Variants in ZWILCH observed in about 807,000 individuals in gnomAD.
The protein encoded by ZWILCH is zwilch kinetochore protein, also known as protein zwilch homolog.
Under a neutral mutation model 79.9 loss-of-function variants are expected in ZWILCH, and 74 were observed. That is an observed-to-expected ratio of 0.93 (90% CI 0.77 to 1.12). The LOEUF (loss-of-function observed/expected upper bound fraction) is 1.12. ZWILCH is among the 50% of genes most tolerant of loss of function. The pLI, the probability that ZWILCH is intolerant of heterozygous loss-of-function variation, is 0.00. For missense variants in ZWILCH, 694 were observed against 687.5 expected (o/e 1.01, Z -0.11); for synonymous variants, 241 against 228.2 (o/e 1.06, Z -0.51).
intron 16 of ZWILCH, among the ~76,000 whole-genome samples, 156 bp from the exon 17 acceptor site, chr15:66,539,942 C>G (rs1346452564): frequency 6.6e-6 from 1 of 151,978 alleles, no homozygotes; most frequent in Non-Finnish European, 1.5e-5. Flanking sequence ...TTTTCTTGCT[C>G]TCTTGACTAT....
Position 66,518,909 on chromosome 15 carries a change from C to A in ZWILCH, c.351C>A (p.His117Gln). Residue 117 changes from histidine to glutamine, a missense_variant, in exon 5 of 19, where the codon CAC becomes CAA. By Grantham distance (24) the His-to-Gln change is conservative. Coordinates refer to ENST00000307897, the MANE Select transcript of ZWILCH (RefSeq NM_017975.5). ...TAATTGGACTTTACACCATGGCTCA[C>A]AATCCTAATATGACCCATTTGAAGA... ...RQLIGLYTMAHNPNMTHLKIN... is the reference protein window; with the variant it reads ...RQLIGLYTMAQNPNMTHLKIN... 6.2e-7 allele frequency: 1 copy of A among 1,614,216 alleles called. No individual in the cohort carries two copies. Among genetic ancestry groups the A allele is most frequent in the Non-Finnish European group, 8.5e-7 (1 of 1,180,020 alleles).
chr15:66,524,172 G>T (rs1253411039), intron 8 of ZWILCH, among the ~76,000 whole-genome samples: 1 of 151,926 alleles, frequency 6.6e-6, no homozygotes, highest in African/African-American at 2.4e-5. Flanking sequence ...TAGATCATAT[G>T]GTAACTGTAT....
chr15:66,523,012 G>A (rs559995215), intron 7 of ZWILCH, among the ~76,000 whole-genome samples: 6 of 152,182 alleles, frequency 3.9e-5, no homozygotes, highest in Admixed American at 3.3e-4. Flanking sequence ...TAGTAGGGAC[G>A]GGGTTTCGCC....
intron 10 of ZWILCH, 32 bp from the exon 11 acceptor site, chr15:66,528,820 T>G: frequency 2.4e-5 from 37 of 1,574,162 alleles, no homozygotes; most frequent in African/African-American, 4.1e-5. Context: ...AAAAAAAAAC[T>G]GAGTATTCTC....
At chr15:66,508,993 G>A (rs2140733301) in intron 2 of ZWILCH, 101 bp downstream of exon 2, 1 of 1,286,312 alleles carries the variant, frequency 7.8e-7, no homozygotes, top group South Asian at 1.3e-5. Flanking sequence ...AGGCTGGAGT[G>A]CAGTGGCGCG....
chr15:66,518,325 G>A (rs1176120461), intron 4 of ZWILCH, among the ~76,000 whole-genome samples: 2 of 124,942 alleles, frequency 1.6e-5, no homozygotes, highest in African/African-American at 6.0e-5. Context: ...GTCTCACCCT[G>A]TTGCCCAAGC....
rs1194204290 is a variant in ZWILCH, at chr15:66,548,484, C to T, written c.*160C>T. ...CTTATGAAGCTCCAAAATTGATAAT[C>T]CTGTCTCAGCTCTGCCTCCTCAGGA... On this transcript the variant is annotated 3_prime_UTR_variant, in exon 19 of 19. Coordinates refer to ENST00000307897, the MANE Select transcript of ZWILCH (RefSeq NM_017975.5). 6.5e-7 allele frequency: 1 copy of T among 1,530,260 alleles called. No individual in the cohort carries two copies. Among genetic ancestry groups the T allele is most frequent in the Non-Finnish European group, 9.0e-7 (1 of 1,107,690 alleles). 94.8% of individuals were successfully genotyped at this position (1,530,260 alleles called of 1,614,324 possible). A position where few individuals can be genotyped will look rare whatever the true frequency, so the allele number is the denominator to read the frequency against.
In ZWILCH at chr15:66,546,655, C is replaced by T. The variant is rs143928618; in HGVS notation, c.1752C>T (p.Thr584=). Residue 584 remains threonine, a synonymous_variant, in exon 18 of 19, where the codon ACC becomes ACT. Transcript: ENST00000307897. ...GGATATTCTTTACTAACATGGTTAC[C>T]TGCAGCCAGGTGCATTTCAAGTGAA... ...EERIFFTNMV[T]CSQVHFK The T allele has an allele frequency of 1.2e-6, 2 of 1,607,738 alleles. No homozygotes were observed. The highest frequency in any genetic ancestry group is 1.3e-5 in the African/African-American group (1 of 74,794).
intron 17 of ZWILCH, among the ~76,000 whole-genome samples, chr15:66,541,668 C>T (rs1431861342): frequency 6.6e-6 from 1 of 152,182 alleles, no homozygotes; most frequent in Non-Finnish European, 1.5e-5. Context: ...CTTCCTCCTT[C>T]AGGAAGTACC....
At chr15:66,509,027 G>T (rs1042089993) in intron 2 of ZWILCH, 135 bp downstream of exon 2, 6 of 872,304 alleles carry the variant, frequency 6.9e-6, no homozygotes, top group Admixed American at 5.3e-5. Flanking sequence ...GCAAGCTCCG[G>T]CTCCCGGGTT....
At chr15:66,519,837 G>T (rs958970114) in intron 5 of ZWILCH, among the ~76,000 whole-genome samples, 2 of 152,130 alleles carry the variant, frequency 1.3e-5, no homozygotes, top group African/African-American at 4.8e-5. Flanking sequence ...TCACTCTGTA[G>T]CCCAGGTTAG....
At chr15:66,513,666 G>C (rs1025196601) in intron 2 of ZWILCH, among the ~76,000 whole-genome samples, 11 of 151,738 alleles carry the variant, frequency 7.2e-5, no homozygotes, top group Non-Finnish European at 7.4e-5. Flanking sequence ...CCGCCTCCCG[G>C]GTTCACACCA....
intron 17 of ZWILCH, among the ~76,000 whole-genome samples, chr15:66,543,198 C>T (rs569839594): frequency 1.3e-5 from 2 of 152,040 alleles, no homozygotes; most frequent in Admixed American, 1.3e-4. Flanking sequence ...GACTCCATCT[C>T]AAAAAATAAA....
intron 16 of ZWILCH, among the ~76,000 whole-genome samples, chr15:66,537,568 A>C (rs1038800063): frequency 1.3e-5 from 2 of 151,886 alleles, no homozygotes; most frequent in African/African-American, 4.8e-5. Flanking sequence ...GCATGCACCT[A>C]TAATCCCAGC....
chr15:66,515,401 G>A, intron 3 of ZWILCH, 125 bp from the exon 4 acceptor site: 1 of 653,984 alleles, frequency 1.5e-6, no homozygotes, highest in Non-Finnish European at 2.6e-6. Flanking sequence ...CCAATCATTT[G>A]TGCTTAAGGG....
At chr15:66,527,988 T>G (rs918876776) in intron 10 of ZWILCH, 76 bp downstream of exon 10, 11 of 1,263,870 alleles carry the variant, frequency 8.7e-6, no homozygotes, top group Non-Finnish European at 1.2e-5. Flanking sequence ...TCTTTCATGT[T>G]GTACCATCGC....
intron 7 of ZWILCH, 103 bp from the exon 8 acceptor site, chr15:66,523,574 T>G: frequency 1.4e-6 from 1 of 694,516 alleles, no homozygotes; most frequent in Non-Finnish European, 2.5e-6. Flanking sequence ...TTATGAAATA[T>G]ATTTTTTAAT....
intron 16 of ZWILCH, among the ~76,000 whole-genome samples, chr15:66,538,556 T>G (rs1895089609): frequency 6.6e-6 from 1 of 152,112 alleles, no homozygotes; most frequent in African/African-American, 2.4e-5. Flanking sequence ...CTAATTTTTG[T>G]ATTTTTAGTA....
chr15:66,507,452 C>T (rs560325241), intron 1 of ZWILCH, among the ~76,000 whole-genome samples: 19 of 152,260 alleles, frequency 1.2e-4, no homozygotes, highest in African/African-American at 4.3e-4. Context: ...TCCTGGACTC[C>T]AAGTTATTAC....
Sources: allele counts gnomAD v4.1 joint callset (sites outside exome capture counted in the v4.1 genomes callset), GRCh38; gene constraint gnomAD v4.1.1; transcripts MANE v1.5; gene names NCBI Gene and HGNC (gene_info 2026-07-23, HGNC 2026-07-21).